Variants in RASGRP3 observed in about 807,000 individuals in gnomAD.
RASGRP3 encodes the protein ras guanyl-releasing protein 3.
In RASGRP3, 54 loss-of-function variants were observed where a neutral mutation model predicts 82.7. The ratio of observed to expected loss-of-function variants is 0.65; its 90% CI spans 0.52 to 0.82. The LOEUF (loss-of-function observed/expected upper bound fraction) is 0.82. RASGRP3 is among the 40% of genes least tolerant of loss of function. The pLI is 0.00. For synonymous variants in RASGRP3, 309 were observed against 300.5 expected, an observed-to-expected ratio of 1.03 and a Z score of -0.29; for missense variants, 861 against 828.9, an observed-to-expected ratio of 1.04 and a Z score of -0.48.
chr2:33,545,470 G>A (rs941966426), intron 13 of RASGRP3, among the ~76,000 whole-genome samples: 2 of 152,212 alleles, frequency 1.3e-5, no homozygotes, highest in Non-Finnish European at 2.9e-5. Context: ...TAATAGGCTG[G>A]TGTATTACGC....
At chr2:33,475,524 C>G (rs1368943236), upstream of RASGRP3, among the ~76,000 whole-genome samples, 3 of 152,184 alleles carry the variant, frequency 2.0e-5, no homozygotes, top group Non-Finnish European at 4.4e-5. Context: ...TGGGGGACTT[C>G]AACCATCTTT....
At chr2:33,455,719 A>T (rs1666002688) in intron 2 of RASGRP3, among the ~76,000 whole-genome samples, 3 of 152,192 alleles carry the variant, frequency 2.0e-5, no homozygotes, top group African/African-American at 7.2e-5. Flanking sequence ...AAACCATCTA[A>T]CCAAGTTTTG....
At chr2:33,552,632 C>A (rs1675484458) in intron 14 of RASGRP3, among the ~76,000 whole-genome samples, 1 of 152,132 alleles carries the variant, frequency 6.6e-6, no homozygotes, top group Admixed American at 6.5e-5. Context: ...AGTGCCGGAA[C>A]CATCTGCTTT....
At chr2:33,548,630 G>A (rs1377228186) in intron 13 of RASGRP3, among the ~76,000 whole-genome samples, 1 of 152,092 alleles carries the variant, frequency 6.6e-6, no homozygotes, top group African/African-American at 2.4e-5. Context: ...GGAAAGGAAA[G>A]GTGTGATCGC....
chr2:33,488,852 A>T lies in RASGRP3; in HGVS notation c.-261+12145A>T, dbSNP rs1428768226. 2.0e-5 allele frequency among the ~76,000 whole-genome samples: 3 copies of T among 152,372 alleles called. No individual in the cohort carries two copies. In the East Asian group the frequency reaches 5.8e-4, roughly 29 times the overall value. On this transcript the variant is annotated intron_variant, in intron 1 of 17. Coordinates refer to ENST00000403687, the MANE Select transcript of RASGRP3 (RefSeq NM_001139488.2). Reference sequence around the variant, plus strand: ...ATGTTTTTTGTTGATGAAGATATCGAGTATTCATTTGGAAACTGAAAAACT... The same window carrying T: ...ATGTTTTTTGTTGATGAAGATATCGTGTATTCATTTGGAAACTGAAAAACT...
At chr2:33,559,811 A>G (rs1381763257) in intron 17 of RASGRP3, among the ~76,000 whole-genome samples, 2 of 152,206 alleles carry the variant, frequency 1.3e-5, no homozygotes, top group Non-Finnish European at 2.9e-5. Context: ...GGATCAAGCC[A>G]GTGCTCTTTA....
intron 13 of RASGRP3, among the ~76,000 whole-genome samples, chr2:33,548,671 T>C (rs1167422362): frequency 6.6e-6 from 1 of 152,060 alleles, no homozygotes; most frequent in African/African-American, 2.4e-5. Flanking sequence ...AGAAGCAAGA[T>C]AGAGCTCACC....
At chr2:33,461,553 C>A (rs760454754) in intron 2 of RASGRP3, among the ~76,000 whole-genome samples, 1 of 152,234 alleles carries the variant, frequency 6.6e-6, no homozygotes, top group South Asian at 2.1e-4. Flanking sequence ...GCTGGGATTG[C>A]AGGCGTGAGC....
chr2:33,465,052 A>T (rs905044444), intron 2 of RASGRP3, among the ~76,000 whole-genome samples: 18 of 152,224 alleles, frequency 1.2e-4, no homozygotes, highest in African/African-American at 3.9e-4. Context: ...TAGACATGAT[A>T]AAGCCTAGTG....
At chr2:33,452,066 T>A (rs1665828944) in intron 2 of RASGRP3, among the ~76,000 whole-genome samples, 1 of 152,182 alleles carries the variant, frequency 6.6e-6, no homozygotes. Flanking sequence ...CCAGAATTTC[T>A]GCCTTGTTCT....
In RASGRP3 at chr2:33,520,640, A is replaced by C; in HGVS notation, c.324A>C (p.Gln108His). The C allele has an allele frequency of 1.2e-6, 2 of 1,614,026 alleles. No homozygotes were observed. Among genetic ancestry groups the C allele is most frequent in the Non-Finnish European group, 8.5e-7 (1 of 1,179,874 alleles). Residue 108 changes from glutamine to histidine, a missense_variant, in exon 6 of 18, where the codon CAA becomes CAC. Physicochemically the swap from Gln to His is conservative, Grantham distance 24. Transcript: ENST00000403687. ...MTEEFREVAS[Q>H]LGYEKHVSLI... ...AGGAATTTCGGGAAGTAGCTAGTCAACTAGGATATGAAAAACACGTCAGCC... is the reference window on the plus strand; with the variant it reads ...AGGAATTTCGGGAAGTAGCTAGTCACCTAGGATATGAAAAACACGTCAGCC...
At chr2:33,533,324 A>G (rs187523775) in intron 10 of RASGRP3, 14 of 152,204 alleles carry the variant, frequency 9.2e-5, no homozygotes, top group Admixed American at 3.3e-4. Flanking sequence ...TTAAGTCCCA[A>G]TCCTCCTGGT....
rs573022728 is a variant in RASGRP3 at position 33,556,231 on chromosome 2, C to CTTTTTTTTTTTTTTTTTTTTTTTTTTT, written c.1579+665_1579+691dup. 1.4e-4 allele frequency among the ~76,000 whole-genome samples: 8 copies of CTTTTTTTTTTTTTTTTTTTTTTTTTTT among 57,498 alleles called. 1 individual carries two copies. Among genetic ancestry groups the CTTTTTTTTTTTTTTTTTTTTTTTTTTT allele is most frequent in the African/African-American group, 3.2e-4 (3 of 9,310 alleles). The allele number at this position is 57,498 out of a possible 152,430, so 37.7% of individuals were successfully genotyped here. ...CAGTTTATATGGTTCTTCTAATAAT[C>CTTTTTTTTTTTTTTTTTTTTTTTTTTT]TTTTTTTTTTTTTTTTTTTTTTTTT... On this transcript the variant is annotated intron_variant, in intron 15 of 17. Coordinates refer to ENST00000403687, the MANE Select transcript of RASGRP3 (RefSeq NM_001139488.2).
intron 1 of RASGRP3, among the ~76,000 whole-genome samples, chr2:33,494,887 G>A (rs960395732): frequency 6.6e-5 from 10 of 152,148 alleles, no homozygotes; most frequent in Admixed American, 2.0e-4. Context: ...TATTACAAGT[G>A]GAAATAAATA....
intron 7 of RASGRP3, among the ~76,000 whole-genome samples, chr2:33,522,624 T>C (rs1382771950): frequency 6.6e-6 from 1 of 152,202 alleles, no homozygotes; most frequent in Non-Finnish European, 1.5e-5. Context: ...TCATTCCTTC[T>C]CTAACTCCCC....
Position 33,563,382 on chromosome 2 carries a change from T to C in RASGRP3, c.*645T>C, listed in dbSNP as rs1558536710. 1 of 152,274 alleles carries C rather than the reference T, an allele frequency of 6.6e-6. No homozygotes were observed. The highest frequency in any genetic ancestry group is 1.5e-5 in the Non-Finnish European group (1 of 68,176). 9.4% of individuals were successfully genotyped at this position (152,274 alleles called of 1,614,324 possible). On this transcript the variant is annotated 3_prime_UTR_variant, in exon 18 of 18. Coordinates refer to ENST00000403687, the MANE Select transcript of RASGRP3 (RefSeq NM_001139488.2). ...TTCCCACTACACAGTTGCTATGATA[T>C]GTAACAAGTCACACATGTATATATC...
intron 1 of RASGRP3, among the ~76,000 whole-genome samples, chr2:33,495,578 A>G (rs1669234939): frequency 6.6e-6 from 1 of 152,120 alleles, no homozygotes; most frequent in Non-Finnish European, 1.5e-5. Flanking sequence ...TGATGTAATG[A>G]GTGAAATGAA....
At chr2:33,489,999 A>G (rs1668714867) in intron 1 of RASGRP3, among the ~76,000 whole-genome samples, 5 of 151,842 alleles carry the variant, frequency 3.3e-5, no homozygotes, top group Admixed American at 3.3e-4. Context: ...GATTTGATAC[A>G]CTCTTGCTGC....
chr2:33,446,646 T>A (rs947092841), intron 1 of RASGRP3, among the ~76,000 whole-genome samples: 4 of 151,446 alleles, frequency 2.6e-5, no homozygotes, highest in African/African-American at 9.7e-5. Flanking sequence ...GGAGAAAGGG[T>A]GAGGAAGACT....
Sources: gnomAD v4.1 joint callset for allele counts (sites outside exome capture counted in the v4.1 genomes callset) on GRCh38, gnomAD v4.1.1 for gene constraint, MANE v1.5 for transcripts, NCBI Gene and HGNC (gene_info 2026-07-23, HGNC 2026-07-21) for gene names.